NDST4: variants seen among roughly 807,000 people sequenced by gnomAD.
NDST4 encodes the protein N-deacetylase and N-sulfotransferase 4.
Under a neutral mutation model 100.8 loss-of-function variants are expected in NDST4, and 63 were observed. That is an observed-to-expected ratio of 0.62 (90% CI 0.51 to 0.77). The LOEUF is 0.77. Among genes scored for constraint, NDST4 ranks in the 30% least tolerant of loss-of-function variants. The pLI is 0.00. For synonymous variants in NDST4, 377 were observed against 361.8 expected (o/e 1.04, Z -0.48); for missense variants, 943 against 1,018.4 (o/e 0.93, Z 1.01).
In NDST4 at chr4:115,052,620, G is replaced by A. The variant is rs184865425; in HGVS notation, c.978+23439C>T. Among the ~76,000 whole-genome samples, 585 of 151,594 alleles carry A rather than the reference G, an allele frequency of 3.9e-3. 4 individuals carry two copies. The highest frequency in any genetic ancestry group is 0.013 in the African/African-American group (551 of 40,984). On this transcript the variant is annotated intron_variant, in intron 2 of 13. Coordinates refer to ENST00000264363, the MANE Select transcript of NDST4 (RefSeq NM_022569.3). ...TCTCTTGCCTGCCCTCCCGTAAGAC[G>A]TGACTTTTGCTCCTTATTTGCCTTC...
At chr4:115,000,890 T>TA (rs1483215698) in intron 2 of NDST4, among the ~76,000 whole-genome samples, 2 of 152,090 alleles carry the variant, frequency 1.3e-5, no homozygotes, top group African/African-American at 4.8e-5. Flanking sequence ...AATGACATAT[T>TA]TGATGTCTAG....
At chr4:115,078,569 TG>T (rs2126290555) in intron 1 of NDST4, among the ~76,000 whole-genome samples, 1 of 152,184 alleles carries the variant, frequency 6.6e-6, no homozygotes, top group Non-Finnish European at 1.5e-5. Context: ...TTAGGGTATC[TG>T]GTGGAAGAAA....
At chr4:114,931,335 T>C (rs1032729098) in intron 6 of NDST4, among the ~76,000 whole-genome samples, 2 of 151,728 alleles carry the variant, frequency 1.3e-5, no homozygotes, top group African/African-American at 4.8e-5. Flanking sequence ...ATTTACCAGC[T>C]AGTTTTGTGA....
At chr4:114,863,607 T>C (rs1723964618) in intron 7 of NDST4, among the ~76,000 whole-genome samples, 1 of 152,240 alleles carries the variant, frequency 6.6e-6, no homozygotes, top group Non-Finnish European at 1.5e-5. Flanking sequence ...AACAGATATT[T>C]ACTGGTTTAA....
At chr4:114,894,032 G>A (rs1578371100) in intron 6 of NDST4, among the ~76,000 whole-genome samples, 1 of 151,958 alleles carries the variant, frequency 6.6e-6, no homozygotes, top group Non-Finnish European at 1.5e-5. Context: ...CAGGTTTGTT[G>A]AAGATCAGAT....
chr4:115,075,784 G>GAAAAAA (rs56658909), intron 2 of NDST4, among the ~76,000 whole-genome samples: 4,065 of 87,000 alleles, frequency 0.047, 405 homozygotes, highest in African/African-American at 0.13. Context: ...AGTCTGTTCA[G>GAAAAAA]AAAAAAAAAA....
intron 6 of NDST4, among the ~76,000 whole-genome samples, chr4:114,889,056 T>A (rs991810412): frequency 6.6e-6 from 1 of 152,184 alleles, no homozygotes; most frequent in South Asian, 2.1e-4. Flanking sequence ...CAACACTAGA[T>A]ATTATCATGC....
chr4:114,929,101 CATCCATCCATCCATCTATCTATCT>C (rs1318060449), intron 6 of NDST4, among the ~76,000 whole-genome samples: 36 of 129,730 alleles, frequency 2.8e-4, no homozygotes, highest in South Asian at 4.8e-4. Flanking sequence ...TCCATCCATC[CATCCATCCATCCATCTATCTATCT>C]ATCTATCTAT....
At chr4:115,011,824 A>G (rs751144932) in intron 2 of NDST4, among the ~76,000 whole-genome samples, 3 of 152,016 alleles carry the variant, frequency 2.0e-5, no homozygotes, top group African/African-American at 7.2e-5. Context: ...TATTTATTGT[A>G]CAATAGTTAC....
chr4:115,046,193 A>G (rs1728461188), intron 2 of NDST4, among the ~76,000 whole-genome samples: 1 of 152,040 alleles, frequency 6.6e-6, no homozygotes, highest in Non-Finnish European at 1.5e-5. Context: ...CCTAGCTGGT[A>G]TCTCCTTCTT....
chr4:115,042,274 C>A (rs1426442051), intron 2 of NDST4, among the ~76,000 whole-genome samples: 2 of 152,098 alleles, frequency 1.3e-5, no homozygotes, highest in Admixed American at 1.3e-4. Context: ...CGCCCTTTGG[C>A]CATCAATGTC....
At chr4:115,064,231 A>G (rs1279457770) in intron 2 of NDST4, among the ~76,000 whole-genome samples, 2 of 152,062 alleles carry the variant, frequency 1.3e-5, no homozygotes, top group South Asian at 2.1e-4. Flanking sequence ...GAATGAAAGC[A>G]TGCCTATAAA....
chr4:114,866,679 A>G (rs1311899977), intron 7 of NDST4, among the ~76,000 whole-genome samples: 1 of 152,030 alleles, frequency 6.6e-6, no homozygotes, highest in Non-Finnish European at 1.5e-5. Flanking sequence ...TATGACAAGC[A>G]TAAGTGTCTG....
intron 7 of NDST4, among the ~76,000 whole-genome samples, chr4:114,863,079 T>G (rs923317367): frequency 6.6e-6 from 1 of 152,196 alleles, no homozygotes; most frequent in African/African-American, 2.4e-5. Flanking sequence ...ATTTTCTATT[T>G]TATATTCTGA....
intron 6 of NDST4, among the ~76,000 whole-genome samples, chr4:114,887,643 A>G (rs1444599808): frequency 6.6e-6 from 1 of 152,170 alleles, no homozygotes; most frequent in Non-Finnish European, 1.5e-5. Flanking sequence ...TGAAATCCCA[A>G]ACTATCTAGC....
At chr4:114,971,211 A>G (rs1425746376) in intron 3 of NDST4, among the ~76,000 whole-genome samples, 1 of 152,130 alleles carries the variant, frequency 6.6e-6, no homozygotes, top group Admixed American at 6.5e-5. Context: ...TGTTATACAT[A>G]TCAAATTTCC....
intron 7 of NDST4, among the ~76,000 whole-genome samples, chr4:114,870,323 T>C (rs1233652800): frequency 1.3e-5 from 2 of 152,116 alleles, no homozygotes; most frequent in Non-Finnish European, 2.9e-5. Flanking sequence ...AAGGTGAAAA[T>C]TGCTTTTCCT....
chr4:114,957,466 C>G (rs1726165643), intron 4 of NDST4, among the ~76,000 whole-genome samples: 1 of 152,176 alleles, frequency 6.6e-6, no homozygotes, highest in Admixed American at 6.5e-5. Flanking sequence ...CCACTGGGTT[C>G]TTCTCATAAC....
At chr4:115,113,047 T>G (rs947994506) in intron 1 of NDST4, among the ~76,000 whole-genome samples, 3 of 151,950 alleles carry the variant, frequency 2.0e-5, no homozygotes, top group Non-Finnish European at 2.9e-5. Flanking sequence ...TCAGTAACAC[T>G]TATTAGGGAA....
Sources: allele counts gnomAD v4.1 joint callset (sites outside exome capture counted in the v4.1 genomes callset), GRCh38; gene constraint gnomAD v4.1.1; transcripts MANE v1.5; gene names NCBI Gene and HGNC (gene_info 2026-07-23, HGNC 2026-07-21).